Variants in WNK2 observed in about 807,000 individuals in gnomAD.
The protein encoded by WNK2 is serine/threonine-protein kinase WNK2.
A neutral mutation model predicts 192.1 loss-of-function variants in WNK2; 67 were observed. The observed-to-expected ratio is 0.35, with a 90% CI of 0.29 to 0.43. The LOEUF (loss-of-function observed/expected upper bound fraction) is 0.43. WNK2 is among the 20% of genes least tolerant of loss of function. WNK2 has a pLI of 1.00. For synonymous variants in WNK2, 1,439 were observed against 1,393.9 expected (o/e 1.03, Z -0.72); for missense variants, 2,698 against 3,089.7 (o/e 0.87, Z 3.01).
At chr9:93,213,624 G>T (rs1036774907) in intron 2 of WNK2, among the ~76,000 whole-genome samples, 2 of 151,882 alleles carry the variant, frequency 1.3e-5, no homozygotes, top group Non-Finnish European at 2.9e-5. Context: ...ACCCTGTCTC[G>T]ACTAAAAATA....
rs1368666466 is a variant in WNK2 at position 93,292,410 on chromosome 9, G to A, written c.5025+14G>A. On this transcript the variant is annotated intron_variant, in intron 22 of 29. Transcript: ENST00000427277. ...AGCGTCCCCCAGGTAAGGGCGACTT[G>A]ACGACCCCCTGGCTGGTTGGCAGGG... 2 of 1,613,902 alleles carry A rather than the reference G, an allele frequency of 1.2e-6. No individual in the cohort carries two copies. The highest frequency in any genetic ancestry group is 2.2e-5 in the South Asian group (2 of 91,076).
In WNK2 at chr9:93,257,155, TG is replaced by T. The variant is rs751461241; in HGVS notation, c.2382+18del. On this transcript the variant is annotated intron_variant, in intron 11 of 29. Transcript: ENST00000427277. This position sits in a 1 kb window ranked among gnomAD's most constrained non-coding sequence, Gnocchi z 4.7. ...CCCTCCGCAGGTAATTCTAGGTTGA[TG>T]GCTGCCGTCAGTGGTGGCGCACGCT... is the stretch of plus-strand genomic sequence containing the variant. 4.9e-5 allele frequency: 78 copies of T among 1,599,080 alleles called. No homozygotes were observed. The highest frequency in any genetic ancestry group is 6.1e-5 in the Non-Finnish European group (72 of 1,176,886).
At chr9:93,184,871 CT>C in intron 1 of WNK2, 56 bp from the exon 2 acceptor site, 1 of 1,184,292 alleles carries the variant, frequency 8.4e-7, no homozygotes, top group African/African-American at 1.6e-5. Context: ...ATCCGGCGGC[CT>C]GGGCAGGTGC....
chr9:93,198,009 T>A (rs1333281463), intron 2 of WNK2, among the ~76,000 whole-genome samples: 1 of 152,172 alleles, frequency 6.6e-6, no homozygotes, highest in African/African-American at 2.4e-5. Flanking sequence ...ATTGGCTTCC[T>A]GAGAGGGAGG....
At chr9:93,234,305 G>A (rs566089904) in intron 4 of WNK2, among the ~76,000 whole-genome samples, 3 of 152,292 alleles carry the variant, frequency 2.0e-5, no homozygotes, top group South Asian at 4.1e-4. Flanking sequence ...TACATGCTGC[G>A]TGACACTTGT....
chr9:93,260,660 C>G (rs1786076544), intron 12 of WNK2, among the ~76,000 whole-genome samples: 1 of 152,140 alleles, frequency 6.6e-6, no homozygotes, highest in South Asian at 2.1e-4. Flanking sequence ...TGTCTTATCT[C>G]CAGAGGGCTT....
intron 2 of WNK2, among the ~76,000 whole-genome samples, chr9:93,228,262 T>C (rs978036544): frequency 6.6e-6 from 1 of 151,804 alleles, no homozygotes; most frequent in Non-Finnish European, 1.5e-5. Flanking sequence ...CGGCTGCATT[T>C]GGGATGTAAT....
chr9:93,185,663 C>T, intron 2 of WNK2, 53 bp downstream of exon 2: 1 of 1,557,938 alleles, frequency 6.4e-7, no homozygotes. Flanking sequence ...TCCGCGAGTG[C>T]GTCCTTGGGC....
At chr9:93,236,634 C>G (rs1278155232) in intron 5 of WNK2, among the ~76,000 whole-genome samples, 2 of 152,250 alleles carry the variant, frequency 1.3e-5, no homozygotes, top group African/African-American at 4.8e-5. Context: ...AGTCCGGTTG[C>G]AGGGCTTGCC....
chr9:93,310,782 C>G (rs1683864640), intron 28 of WNK2, among the ~76,000 whole-genome samples: 1 of 152,130 alleles, frequency 6.6e-6, no homozygotes, highest in African/African-American at 2.4e-5. Context: ...CAAGGTGCAT[C>G]CATGTTGTAG....
intron 2 of WNK2, among the ~76,000 whole-genome samples, chr9:93,208,960 G>C (rs1833984214): frequency 6.6e-6 from 1 of 152,192 alleles, no homozygotes; most frequent in Non-Finnish European, 1.5e-5. Context: ...GTGCCTTGGT[G>C]ACCACAGCTC....
chr9:93,309,431 T>C lies in WNK2; in HGVS notation c.6516+847T>C, dbSNP rs79793655. 3.3e-3 allele frequency among the ~76,000 whole-genome samples: 504 copies of C among 152,352 alleles called. 5 individuals are homozygous for C. The highest frequency in any genetic ancestry group is 0.012 in the African/African-American group (482 of 41,588). ...TTAACACCATTTGGATTTTCTGTTT[T>C]GTTTTGTTAAATTCTGCCTTTCTGA... On this transcript the variant is annotated intron_variant, in intron 28 of 29. Coordinates refer to ENST00000427277, the MANE Select transcript of WNK2 (RefSeq NM_006648.4).
At chr9:93,278,827 A>G (rs1478644577) in intron 19 of WNK2, among the ~76,000 whole-genome samples, 1 of 152,258 alleles carries the variant, frequency 6.6e-6, no homozygotes, top group Non-Finnish European at 1.5e-5. Context: ...ATATGTTCAA[A>G]AAGCTATAGA....
intron 20 of WNK2, 136 bp downstream of exon 20, chr9:93,289,756 C>G (rs1299279262): frequency 2.0e-6 from 2 of 995,766 alleles, no homozygotes; most frequent in East Asian, 2.6e-5. Context: ...TGGTGACCCA[C>G]CCACGTGTGT....
chr9:93,303,005 G>A (rs896136013), intron 26 of WNK2, among the ~76,000 whole-genome samples: 1 of 151,706 alleles, frequency 6.6e-6, no homozygotes, highest in African/African-American at 2.4e-5. Flanking sequence ...TGCAACCTCC[G>A]CTTCCCTGAC....
rs553801514 is a variant in WNK2, at chr9:93,199,319, T to C, written c.681+13709T>C. 3.9e-5 allele frequency among the ~76,000 whole-genome samples: 6 copies of C among 152,326 alleles called. No homozygotes were observed. In the East Asian group the frequency reaches 9.7e-4, roughly 25 times the overall value. On this transcript the variant is annotated intron_variant, in intron 2 of 29. Coordinates refer to ENST00000427277, the MANE Select transcript of WNK2 (RefSeq NM_006648.4). ...CTTCCCCCAATGTCAAGGATAGTCC[T>C]GGGCTCTGGACCTGGTGACCTCCTA...
Position 93,184,231 on chromosome 9 carries a change from C to G in WNK2, c.-157C>G, listed in dbSNP as rs892911151. ...AGCGCGGCCCCGCAGTGGCCCGGCC[C>G]GAGAGAGCAGCGCGCAGGAGCTGGA... is the stretch of plus-strand genomic sequence containing the variant. On this transcript the variant is annotated 5_prime_UTR_variant, in exon 1 of 30. Transcript: ENST00000427277. 3.3e-5 allele frequency among the ~76,000 whole-genome samples: 5 copies of G among 150,694 alleles called. No individual in the cohort carries two copies. The highest frequency in any genetic ancestry group is 2.6e-4 in the Admixed American group (4 of 15,144).
chr9:93,273,276 G>A (rs927586194), intron 19 of WNK2, among the ~76,000 whole-genome samples: 3 of 152,178 alleles, frequency 2.0e-5, no homozygotes, highest in African/African-American at 7.2e-5. Context: ...TCCTGCCTCA[G>A]CCTCCCGAGT....
chr9:93,197,189 A>G (rs1831421877), intron 2 of WNK2, among the ~76,000 whole-genome samples: 1 of 152,172 alleles, frequency 6.6e-6, no homozygotes, highest in Non-Finnish European at 1.5e-5. Flanking sequence ...TGTGTCTGTG[A>G]TTTCCTGACC....
Sources: allele counts gnomAD v4.1 joint callset (sites outside exome capture counted in the v4.1 genomes callset), GRCh38; gene constraint gnomAD v4.1.1; non-coding constraint Gnocchi (gnomAD v3.1); transcripts MANE v1.5; gene names NCBI Gene and HGNC (gene_info 2026-07-23, HGNC 2026-07-21).